Variants in CNOT1 observed in about 807,000 individuals in gnomAD.
CNOT1 encodes CCR4-NOT transcription complex subunit 1, also known as CCR4-associated factor 1.
In CNOT1, 15 loss-of-function variants were observed where a neutral mutation model predicts 273.8. The ratio of observed to expected loss-of-function variants is 0.05; its 90% CI spans 0.04 to 0.08. The LOEUF (loss-of-function observed/expected upper bound fraction) is 0.08. CNOT1 is among the 10% of genes least tolerant of loss of function. CNOT1 has a pLI of 1.00. For synonymous variants in CNOT1, 1,022 were observed against 1,005.5 expected, an observed-to-expected ratio of 1.02 and a Z score of -0.31; for missense variants, 1,644 against 2,912.2, an observed-to-expected ratio of 0.56 and a Z score of 10.02.
rs2041701251 is a variant in CNOT1, at chr16:58,582,780, C to A, written c.1044+13G>T. ...AATACCACAAATCAAAAATCATCAT[C>A]ACATATACTCACCAGTTCTTTAAGA... On this transcript the variant is annotated intron_variant, in intron 10 of 48. Transcript: ENST00000317147. The A allele has an allele frequency of 7.8e-7, 1 of 1,283,058 alleles. No homozygotes were observed. Among genetic ancestry groups the A allele is most frequent in the Non-Finnish European group, 1.1e-6 (1 of 878,256 alleles). 79.5% of individuals were successfully genotyped at this position (1,283,058 alleles called of 1,614,324 possible). A position where few individuals can be genotyped will look rare whatever the true frequency, so the allele number is the denominator to read the frequency against.
At chr16:58,604,152 T>C (rs564070981) in intron 1 of CNOT1, among the ~76,000 whole-genome samples, 9 of 152,308 alleles carry the variant, frequency 5.9e-5, no homozygotes, top group African/African-American at 2.2e-4. Context: ...TAGTGCATAC[T>C]ACACACAGCT....
chr16:58,543,494 TG>T lies in CNOT1; in HGVS notation c.4434+112del, dbSNP rs2040161910. The T allele has an allele frequency of 8.4e-6, 13 of 1,542,304 alleles. No homozygotes were observed. In the South Asian group the frequency reaches 1.2e-4, roughly 15 times the overall value. On this transcript the variant is annotated intron_variant, in intron 31 of 48. Transcript: ENST00000317147. ...GATGGAAGACATCAAACAAATATGG[TG>T]ATTATTAAGAATAAGTGGTAACGCC... is the stretch of plus-strand genomic sequence containing the variant.
intron 14 of CNOT1, among the ~76,000 whole-genome samples, chr16:58,575,798 C>CA (rs71849877): frequency 6.1e-5 from 9 of 148,740 alleles, no homozygotes; most frequent in African/African-American, 1.2e-4. Flanking sequence ...ATTCTATCTC[C>CA]AAAAAAAAAA....
intron 1 of CNOT1, among the ~76,000 whole-genome samples, chr16:58,616,732 AT>A (rs990668799): frequency 6.6e-6 from 1 of 151,950 alleles, no homozygotes; most frequent in Non-Finnish European, 1.5e-5. Context: ...ATTTGGCAGC[AT>A]TTTTTTCAAT....
At chr16:58,566,072 T>C (rs2041031307) in intron 16 of CNOT1, among the ~76,000 whole-genome samples, 1 of 152,250 alleles carries the variant, frequency 6.6e-6, no homozygotes, top group Non-Finnish European at 1.5e-5. Context: ...CAGTGCATTT[T>C]ATGAAACACA....
At chr16:58,580,485 C>T in intron 12 of CNOT1, 148 bp downstream of exon 12, 2 of 1,263,144 alleles carry the variant, frequency 1.6e-6, no homozygotes, top group East Asian at 3.0e-5. Context: ...TATCTACCAA[C>T]CCCCTCTATA....
intron 40 of CNOT1, among the ~76,000 whole-genome samples, chr16:58,533,946 A>G (rs897694128): frequency 6.6e-6 from 1 of 151,900 alleles, no homozygotes; most frequent in African/African-American, 2.4e-5. Context: ...CTTGGGCAAC[A>G]TGGTAAGACT....
In CNOT1 at chr16:58,587,822, C is replaced by G. The variant is rs2041925676; in HGVS notation, c.267G>C (p.Ser89=). 1.2e-6 allele frequency: 2 copies of G among 1,613,626 alleles called. No homozygotes were observed. Among genetic ancestry groups the G allele is most frequent in the Non-Finnish European group, 1.7e-6 (2 of 1,180,002 alleles). Residue 89 remains serine, a synonymous_variant, in exon 4 of 49, where the codon TCG becomes TCC. Transcript: ENST00000317147. ...ALLITKPNFI[S]TLSYAIDNPL... is the part of the protein sequence containing the mutation. ...GATTATCAATGGCATAGGACAGCGT[C>G]GAGATAAAATTTGGCTTTGTAATCA... is the stretch of plus-strand genomic sequence containing the variant.
At chr16:58,588,715 C>A in intron 3 of CNOT1, 84 bp downstream of exon 3, 1 of 1,493,434 alleles carries the variant, frequency 6.7e-7, no homozygotes, top group South Asian at 1.2e-5. Context: ...CTATTTTGTA[C>A]GTGTCATATG....
At chr16:58,627,618 T>TA (rs1021912252) in intron 1 of CNOT1, among the ~76,000 whole-genome samples, 1 of 151,534 alleles carries the variant, frequency 6.6e-6, no homozygotes, top group Admixed American at 6.6e-5. Flanking sequence ...ACATCTATGT[T>TA]AAAGAGACTA....
At chr16:58,523,535 G>T (rs1567383274) in intron 46 of CNOT1, 33 bp from the exon 47 acceptor site, 1 of 1,609,630 alleles carries the variant, frequency 6.2e-7, no homozygotes, top group East Asian at 2.2e-5. Flanking sequence ...TTAGGACTTA[G>T]TCTGAAAGGC....
At position 58,583,171 on chromosome 16, in the gene CNOT1, C is replaced by G; in HGVS notation, c.818G>C (p.Cys273Ser). ...GYGFCASIEE[C>S]RNIIVQFGVR... ...ACCAAACTGCACGATTATATTGCGA[C>G]ATTCTTCAATACTGAAACAGAAATA... Residue 273 changes from cysteine (C) to serine (S), a missense_variant, in exon 9 of 49, where the codon TGT becomes TCT. This residue lies in a region of CNOT1 where 706 missense variants were observed against 1,021.2 expected (regional missense o/e 0.69). Coordinates refer to ENST00000317147, the MANE Select transcript of CNOT1 (RefSeq NM_016284.5). 1 of 1,613,810 alleles carries G rather than the reference C, an allele frequency of 6.2e-7. No individual in the cohort carries two copies. Among genetic ancestry groups the G allele is most frequent in the Non-Finnish European group, 8.5e-7 (1 of 1,179,962 alleles).
chr16:58,545,558 A>G (rs1271000940), intron 29 of CNOT1, 67 bp from the exon 30 acceptor site: 37 of 1,597,544 alleles, frequency 2.3e-5, no homozygotes, highest in Non-Finnish European at 3.2e-5. Flanking sequence ...AAATTAGCTT[A>G]ATATCATTAA....
intron 46 of CNOT1, among the ~76,000 whole-genome samples, chr16:58,524,418 T>C (rs2039514160): frequency 6.6e-6 from 1 of 151,990 alleles, no homozygotes; most frequent in Admixed American, 6.6e-5. Context: ...TGTTTGTGAG[T>C]CTGTCACAGT....
Position 58,583,196 on chromosome 16 carries a change from A to G in CNOT1, c.807-14T>C, listed in dbSNP as rs759961496. On this transcript the variant is annotated splice_polypyrimidine_tract_variant and intron_variant, in intron 8 of 48. Coordinates refer to ENST00000317147, the MANE Select transcript of CNOT1 (RefSeq NM_016284.5). ...CATTCTTCAATACTGAAACAGAAAT[A>G]TAACTTCAGAAAAATGCTACCAGCC... The G allele has an allele frequency of 2.5e-6, 4 of 1,611,546 alleles. No homozygotes were observed. Among genetic ancestry groups the G allele is most frequent in the Non-Finnish European group, 2.5e-6 (3 of 1,178,846 alleles).
At chr16:58,617,572 T>C (rs1419600460) in intron 1 of CNOT1, among the ~76,000 whole-genome samples, 1 of 152,138 alleles carries the variant, frequency 6.6e-6, no homozygotes, top group Non-Finnish European at 1.5e-5. Flanking sequence ...ACATGTCTAG[T>C]CTCAAGCATT....
chr16:58,623,546 GC>G (rs2043437348), intron 1 of CNOT1: 2 of 152,322 alleles, frequency 1.3e-5, no homozygotes. Flanking sequence ...CTGTAATGAA[GC>G]CTCCATAAAA....
At chr16:58,602,534 C>G (rs918327587) in intron 1 of CNOT1, among the ~76,000 whole-genome samples, 4 of 111,626 alleles carry the variant, frequency 3.6e-5, no homozygotes, top group African/African-American at 1.5e-4. Context: ...GCCTGGGCAA[C>G]AGAGCAAGAC....
chr16:58,601,527 C>G (rs1201300344), intron 1 of CNOT1, among the ~76,000 whole-genome samples: 1 of 152,090 alleles, frequency 6.6e-6, no homozygotes, highest in African/African-American at 2.4e-5. Flanking sequence ...TCAAAACTCA[C>G]CATGTAAGAT....
Sources: gnomAD v4.1 joint callset for allele counts (sites outside exome capture counted in the v4.1 genomes callset) on GRCh38, gnomAD v4.1.1 for gene constraint, gnomAD v4.1.1 regional missense constraint, MANE v1.5 for transcripts, NCBI Gene and HGNC (gene_info 2026-07-23, HGNC 2026-07-21) for gene names.